Variants in NFU1 observed in about 807,000 individuals in gnomAD.
The protein encoded by NFU1 is NFU1 iron-sulfur cluster scaffold.
In NFU1, 30 loss-of-function variants were observed where a neutral mutation model predicts 32.2. That is an observed-to-expected ratio of 0.93 (90% CI 0.70 to 1.26). NFU1 has a LOEUF of 1.26. Among genes scored for constraint, NFU1 ranks in the 50% most tolerant of loss-of-function variants. The pLI is 0.00. For missense variants in NFU1, 306 were observed against 306.6 expected (o/e 1.00, Z 0.02); for synonymous variants, 112 against 104.6 (o/e 1.07, Z -0.43).
At chr2:69,413,131 A>G (rs1042775931) in intron 5 of NFU1, among the ~76,000 whole-genome samples, 2 of 151,940 alleles carry the variant, frequency 1.3e-5, no homozygotes, top group Non-Finnish European at 2.9e-5. Flanking sequence ...CTAAAAATAG[A>G]AAAATTAGTT....
intron 2 of NFU1, among the ~76,000 whole-genome samples, chr2:69,430,626 G>C (rs79037367): frequency 6.6e-6 from 1 of 151,970 alleles, no homozygotes; most frequent in African/African-American, 2.4e-5. Context: ...AAAATTAATG[G>C]GTTTCCTATT....
At position 69,423,274 on chromosome 2, in the gene NFU1, G is replaced by A. The variant is rs60750166; in HGVS notation, c.302+308C>T. Reference sequence around the variant, plus strand: ...TGTGTGTGTGTGTGTGTGTGTGTGTGTGTGTGTGTGTGTGTATGTGTGTGT... The same window carrying A: ...TGTGTGTGTGTGTGTGTGTGTGTGTATGTGTGTGTGTGTGTATGTGTGTGT... On this transcript the variant is annotated intron_variant, in intron 3 of 7. Coordinates refer to ENST00000410022, the MANE Select transcript of NFU1 (RefSeq NM_001002755.4). Among the ~76,000 whole-genome samples the A allele has an allele frequency of 0.013, 1,144 of 87,728 alleles. 30 individuals are homozygous for A. Among genetic ancestry groups the A allele is most frequent in the African/African-American group, 0.049 (1,042 of 21,326 alleles). The allele number at this position is 87,728 out of a possible 152,430, so 57.6% of individuals were successfully genotyped here.
At chr2:69,422,646 T>G (rs1673284285) in intron 3 of NFU1, among the ~76,000 whole-genome samples, 1 of 152,196 alleles carries the variant, frequency 6.6e-6, no homozygotes, top group African/African-American at 2.4e-5. Context: ...AAGTTTTTAT[T>G]TATTCATGCT....
At chr2:69,416,654 T>C (rs1673064502) in intron 4 of NFU1, among the ~76,000 whole-genome samples, 1 of 152,124 alleles carries the variant, frequency 6.6e-6, no homozygotes, top group South Asian at 2.1e-4. Flanking sequence ...TCCCAGCACT[T>C]TGGGGAGGCC....
At chr2:69,427,258 G>A (rs1338641445) in intron 2 of NFU1, among the ~76,000 whole-genome samples, 6 of 151,408 alleles carry the variant, frequency 4.0e-5, no homozygotes, top group African/African-American at 9.7e-5. Flanking sequence ...GGTGGCAGGC[G>A]CCTGTAATCC....
chr2:69,428,601 C>A (rs1673542216), intron 2 of NFU1, among the ~76,000 whole-genome samples: 2 of 152,112 alleles, frequency 1.3e-5, no homozygotes, highest in Non-Finnish European at 2.9e-5. Flanking sequence ...AGTGACAGAG[C>A]CAGGATTCAA....
At chr2:69,436,955 G>A (rs1673860612) in intron 1 of NFU1, among the ~76,000 whole-genome samples, 1 of 152,216 alleles carries the variant, frequency 6.6e-6, no homozygotes, top group Non-Finnish European at 1.5e-5. Flanking sequence ...AACGAGACAA[G>A]GTATTTTCTT....
In NFU1 at chr2:69,425,755, G is replaced by C. The variant is rs1673435330; in HGVS notation, c.167-2038C>G. Reference sequence around the variant, plus strand: ...CCTACCTCAGCCTCCCAAAGTGTTGGGATTACAGGCATGAGCCACCATGCC... The same window carrying C: ...CCTACCTCAGCCTCCCAAAGTGTTGCGATTACAGGCATGAGCCACCATGCC... On this transcript the variant is annotated intron_variant, in intron 2 of 7. Transcript: ENST00000410022. Among the ~76,000 whole-genome samples the C allele has an allele frequency of 2.0e-5, 3 of 151,890 alleles. No homozygotes were observed. The South Asian group carries it at 6.2e-4, about 32-fold the overall frequency.
intron 7 of NFU1, among the ~76,000 whole-genome samples, chr2:69,396,882 C>A (rs1034557545): frequency 3.0e-4 from 46 of 151,756 alleles, no homozygotes; most frequent in Middle Eastern, 6.8e-3. Flanking sequence ...ACCATCCTGG[C>A]TAACACAGTG....
At chr2:69,426,683 C>T (rs531389411) in intron 2 of NFU1, among the ~76,000 whole-genome samples, 118 of 152,324 alleles carry the variant, frequency 7.7e-4, no homozygotes, top group African/African-American at 2.7e-3. Context: ...AATTTCCTAC[C>T]TTGCTATTAT....
At chr2:69,419,509 A>C (rs964033662) in intron 4 of NFU1, 29 bp downstream of exon 4, 1 of 1,254,732 alleles carries the variant, frequency 8.0e-7, no homozygotes, top group African/African-American at 1.5e-5. Context: ...GAGTATTTCA[A>C]GTCTTATTTT....
At chr2:69,427,157 G>C (rs1178633846) in intron 2 of NFU1, among the ~76,000 whole-genome samples, 2 of 147,006 alleles carry the variant, frequency 1.4e-5, no homozygotes, top group Admixed American at 6.8e-5. Context: ...AGGCCAAAGC[G>C]GGTGGATCAC....
At chr2:69,404,647 G>GTTT (rs1253816669) in intron 6 of NFU1, among the ~76,000 whole-genome samples, 1 of 26,882 alleles carries the variant, frequency 3.7e-5, no homozygotes, top group South Asian at 1.3e-3. Context: ...TTGAGAAAGA[G>GTTT]TTTTGCTCGT....
At chr2:69,424,103 C>T (rs1166223602) in intron 2 of NFU1, among the ~76,000 whole-genome samples, 2 of 125,732 alleles carry the variant, frequency 1.6e-5, no homozygotes, top group Admixed American at 1.0e-4. Flanking sequence ...ACCTGCGAGG[C>T]GGAGGTTGCA....
chr2:69,415,394 G>C lies in NFU1; in HGVS notation c.370-95C>G, dbSNP rs878917352. ...TACCTCTTTTTTCTTTTTTTTTTTT[G>C]AGATGGAGTCTCACTCTGTTGCCCA... On this transcript the variant is annotated intron_variant, in intron 4 of 7. Coordinates refer to ENST00000410022, the MANE Select transcript of NFU1 (RefSeq NM_001002755.4). The C allele has an allele frequency of 5.3e-5, 36 of 673,138 alleles. No individual in the cohort carries two copies. The South Asian group carries it at 5.9e-4, about 11-fold the overall frequency. 41.7% of individuals were successfully genotyped at this position (673,138 alleles called of 1,614,324 possible).
chr2:69,428,293 T>C (rs777918302), intron 2 of NFU1, among the ~76,000 whole-genome samples: 1 of 152,008 alleles, frequency 6.6e-6, no homozygotes, highest in Non-Finnish European at 1.5e-5. Flanking sequence ...GGTGTGGTGA[T>C]GTGCGCCTGT....
chr2:69,438,279 GTCTA>G (rs1271956396), upstream of NFU1, among the ~76,000 whole-genome samples: 2 of 151,398 alleles, frequency 1.3e-5, no homozygotes, highest in Non-Finnish European at 2.9e-5. Flanking sequence ...CAGAGACAGG[GTCTA>G]TCTCTGTTGC....
intron 2 of NFU1, 34 bp downstream of exon 2, chr2:69,431,868 A>C (rs1395162184): frequency 7.7e-7 from 1 of 1,304,480 alleles, no homozygotes; most frequent in East Asian, 2.3e-5. Flanking sequence ...TCAGTTTCTG[A>C]AACACAACTG....
chr2:69,439,039 A>C (rs931324630), upstream of NFU1, among the ~76,000 whole-genome samples: 4 of 151,872 alleles, frequency 2.6e-5, no homozygotes, highest in African/African-American at 9.7e-5. Context: ...TCCCTCTCTG[A>C]TGGATTCCTT....
Sources: allele counts gnomAD v4.1 joint callset (sites outside exome capture counted in the v4.1 genomes callset), GRCh38; gene constraint gnomAD v4.1.1; transcripts MANE v1.5; gene names NCBI Gene and HGNC (gene_info 2026-07-23, HGNC 2026-07-21).